Variants in GFPT2 observed in about 807,000 individuals in gnomAD.
GFPT2 encodes the protein glutamine--fructose-6-phosphate transaminase 2.
Under a neutral mutation model 85.6 loss-of-function variants are expected in GFPT2, and 62 were observed. That is an observed-to-expected ratio of 0.72 (90% CI 0.59 to 0.90). GFPT2 has a LOEUF of 0.90. Ranked by LOEUF, GFPT2 falls within the 40% of genes least tolerant of loss-of-function variation. GFPT2 has a pLI of 0.00. For missense variants in GFPT2, 788 were observed against 893.4 expected (o/e 0.88, Z 1.50); for synonymous variants, 368 against 344.5 (o/e 1.07, Z -0.75).
chr5:180,342,363 T>C (rs772070203), intron 1 of GFPT2, among the ~76,000 whole-genome samples: 25 of 151,928 alleles, frequency 1.6e-4, no homozygotes, highest in Non-Finnish European at 1.5e-4. Flanking sequence ...TGGTTTAGTA[T>C]ATTCAGAGTT....
intron 1 of GFPT2, among the ~76,000 whole-genome samples, chr5:180,340,801 A>T (rs1206381119): frequency 6.6e-6 from 1 of 152,118 alleles, no homozygotes; most frequent in South Asian, 2.1e-4. Flanking sequence ...GGCGTGAGCC[A>T]CCACGCCTGG....
intron 1 of GFPT2, among the ~76,000 whole-genome samples, chr5:180,341,355 C>T (rs73351317): frequency 6.6e-6 from 1 of 152,132 alleles, no homozygotes; most frequent in Non-Finnish European, 1.5e-5. Flanking sequence ...ACGAAACCAC[C>T]TGGAATATCT....
Position 180,318,735 on chromosome 5 carries a change from C to G in GFPT2, c.958+58G>C. 6.8e-7 allele frequency: 1 copy of G among 1,460,560 alleles called. No homozygotes were observed. Among genetic ancestry groups the G allele is most frequent in the Non-Finnish European group, 9.5e-7 (1 of 1,052,266 alleles). 90.5% of individuals were successfully genotyped at this position (1,460,560 alleles called of 1,614,324 possible). A position where few individuals can be genotyped will look rare whatever the true frequency, so the allele number is the denominator to read the frequency against. ...CTAGGACCAGGCAGAGTGTCAGGAG[C>G]TCCACCAGGCGCGCTGGCTCCCGAG... On this transcript the variant is annotated intron_variant, in intron 10 of 18. Transcript: ENST00000253778. This position sits in a 1 kb window ranked among gnomAD's most constrained non-coding sequence, Gnocchi z 4.2.
At chr5:180,352,981 G>C (rs1764746884) in intron 1 of GFPT2, 1 of 392,240 alleles carries the variant, frequency 2.5e-6, no homozygotes, top group African/African-American at 2.1e-5. Flanking sequence ...TCCGAGACCA[G>C]GAGTCGGGTT....
chr5:180,318,686 A>T lies in GFPT2; in HGVS notation c.958+107T>A. The T allele has an allele frequency of 1.1e-6, 1 of 930,968 alleles. No individual in the cohort carries two copies. The highest frequency in any genetic ancestry group is 2.9e-4 in the Middle Eastern group (1 of 3,504). 57.7% of individuals were successfully genotyped at this position (930,968 alleles called of 1,614,324 possible). On this transcript the variant is annotated intron_variant, in intron 10 of 18. Coordinates refer to ENST00000253778, the MANE Select transcript of GFPT2 (RefSeq NM_005110.4). This position sits in a 1 kb window ranked among gnomAD's most constrained non-coding sequence, Gnocchi z 4.2. The stretch of plus-strand genomic sequence containing the variant: ...TGCAGCCCCGCCCTGGTGGCCACAG[A>T]GGGCAGGAGGGCTGTGGCCTCTACT...
At chr5:180,349,682 A>C (rs896214810) in intron 1 of GFPT2, among the ~76,000 whole-genome samples, 10 of 151,970 alleles carry the variant, frequency 6.6e-5, no homozygotes, top group African/African-American at 2.4e-4. Context: ...GGGCCAAGTA[A>C]AACCGATTCT....
At chr5:180,324,537 C>A (rs1332714926) in intron 8 of GFPT2, 4 of 584,208 alleles carry the variant, frequency 6.8e-6, no homozygotes, top group Non-Finnish European at 9.1e-6. Flanking sequence ...CAAAGAAGCA[C>A]TCACATCAAA....
Position 180,324,301 on chromosome 5 carries a change from A to G in GFPT2, c.681T>C (p.Thr227=). 3 of 1,558,728 alleles carry G rather than the reference A, an allele frequency of 1.9e-6. No homozygotes were observed. Among genetic ancestry groups the G allele is most frequent in the Non-Finnish European group, 2.6e-6 (3 of 1,135,988 alleles). ...TACAGATATTCTTCACATTCTCCAGAGTGCCTAGCAAATGGAGGAATGGGT... is the reference window on the plus strand; with the variant it reads ...TACAGATATTCTTCACATTCTCCAGGGTGCCTAGCAAATGGAGGAATGGGT... The part of the protein sequence containing the change: ...EQIPILYRTC[T]LENVKNICKT... Residue 227 remains threonine (T), a synonymous_variant, in exon 9 of 19, where the codon ACT becomes ACC. Coordinates refer to ENST00000253778, the MANE Select transcript of GFPT2 (RefSeq NM_005110.4).
At chr5:180,336,661 G>T in intron 2 of GFPT2, 84 bp from the exon 3 acceptor site, 1 of 879,676 alleles carries the variant, frequency 1.1e-6, no homozygotes. Flanking sequence ...GGTCAGGGCT[G>T]CATGCCCCGG....
In GFPT2 at chr5:180,318,832, T is replaced by G; in HGVS notation, c.919A>C (p.Ile307Leu). 6.2e-7 allele frequency: 1 copy of G among 1,614,102 alleles called. No individual in the cohort carries two copies. The highest frequency in any genetic ancestry group is 1.3e-5 in the African/African-American group (1 of 75,062). ...TGCAGTTCCATCTGCAAGGTCTGGA[T>G]GGCTCGAGATGGGTCATCACTGGCC... ...RSASDDPSRA[I>L]QTLQMELQQI... The change falls in exon 10 of 19, where the codon ATC (isoleucine) becomes CTC (leucine). Residue 307 changes from isoleucine to leucine, a missense_variant. Coordinates refer to ENST00000253778, the MANE Select transcript of GFPT2 (RefSeq NM_005110.4). This position sits in a 1 kb window ranked among gnomAD's most constrained non-coding sequence, Gnocchi z 4.2.
intron 15 of GFPT2, 35 bp from the exon 16 acceptor site, chr5:180,307,338 T>G: frequency 6.2e-7 from 1 of 1,610,560 alleles, no homozygotes; most frequent in African/African-American, 1.3e-5. Flanking sequence ...AGAAAACCAG[T>G]CAGGCCGACT....
intron 1 of GFPT2, among the ~76,000 whole-genome samples, chr5:180,346,874 C>T (rs946814203): frequency 2.0e-5 from 3 of 152,204 alleles, no homozygotes; most frequent in South Asian, 2.1e-4. Context: ...CACTGGCAGG[C>T]GACAGGATTT....
chr5:180,313,176 A>AG (rs1763928685), intron 14 of GFPT2, among the ~76,000 whole-genome samples: 2 of 151,976 alleles, frequency 1.3e-5, no homozygotes, highest in Admixed American at 6.6e-5. Context: ...CTGGGATTCC[A>AG]GGGGGGAGCC....
At chr5:180,310,932 C>T (rs1299820605) in intron 15 of GFPT2, among the ~76,000 whole-genome samples, 1 of 151,410 alleles carries the variant, frequency 6.6e-6, no homozygotes, top group African/African-American at 2.4e-5. Flanking sequence ...ACACCCAGGA[C>T]CTGTGGACCA....
intron 1 of GFPT2, among the ~76,000 whole-genome samples, chr5:180,348,568 G>A (rs563785465): frequency 4.6e-5 from 7 of 152,190 alleles, no homozygotes; most frequent in Admixed American, 1.3e-4. Flanking sequence ...CTGAGCAGAC[G>A]CGGCACCTGG....
chr5:180,338,402 C>A, intron 2 of GFPT2, 91 bp downstream of exon 2: 1 of 526,850 alleles, frequency 1.9e-6, no homozygotes, highest in Non-Finnish European at 3.4e-6. Flanking sequence ...GAAAAAATGC[C>A]CTGGTTGTAA....
intron 4 of GFPT2, 75 bp downstream of exon 4, chr5:180,335,753 T>A (rs1764380401): frequency 6.7e-7 from 1 of 1,496,200 alleles, no homozygotes; most frequent in African/African-American, 1.4e-5. Context: ...GCGCGGAACC[T>A]GCTTTGGCGG....
intron 4 of GFPT2, among the ~76,000 whole-genome samples, chr5:180,333,292 T>A (rs1210603375): frequency 6.6e-6 from 1 of 152,022 alleles, no homozygotes; most frequent in East Asian, 1.9e-4. Context: ...TGGAGTGCAG[T>A]GGCGCGAGCT....
At chr5:180,337,370 G>A (rs188704575) in intron 2 of GFPT2, among the ~76,000 whole-genome samples, 2,158 of 151,146 alleles carry the variant, frequency 0.014, 46 homozygotes, top group African/African-American at 0.05. Context: ...GAAGAATGGC[G>A]TGAACCCAGG....
Sources: allele counts gnomAD v4.1 joint callset (sites outside exome capture counted in the v4.1 genomes callset), GRCh38; gene constraint gnomAD v4.1.1; non-coding constraint Gnocchi (gnomAD v3.1); transcripts MANE v1.5; gene names NCBI Gene and HGNC (gene_info 2026-07-23, HGNC 2026-07-21).